CNST: variants seen among roughly 807,000 people sequenced by gnomAD.
The protein encoded by CNST is consortin.
CNST carries 39 observed loss-of-function variants against 72.4 expected under a neutral mutation model. That is an observed-to-expected ratio of 0.54 (90% CI 0.42 to 0.70). The LOEUF is 0.70. CNST is among the 30% of genes least tolerant of loss of function. The probability of loss-of-function intolerance (pLI) is 0.00; values close to 1 mark genes in which losing one functional copy is unlikely to be tolerated. For synonymous variants in CNST, 332 were observed against 320.1 expected, an observed-to-expected ratio of 1.04 and a Z score of -0.40; for missense variants, 871 against 868.5, an observed-to-expected ratio of 1.00 and a Z score of -0.04.
intron 1 of CNST, among the ~76,000 whole-genome samples, chr1:246,580,484 T>C (rs1178074457): frequency 1.3e-5 from 2 of 152,166 alleles, no homozygotes; most frequent in Non-Finnish European, 2.9e-5. Flanking sequence ...GTTATGAAAT[T>C]GCACTTCTCT....
intron 2 of CNST, among the ~76,000 whole-genome samples, chr1:246,608,977 GCTTA>G (rs1350242012): frequency 1.4e-4 from 21 of 152,304 alleles, no homozygotes; most frequent in Non-Finnish European, 1.5e-5. Context: ...GAGTCAGGTT[GCTTA>G]CTTTAGGTTA....
intron 1 of CNST, among the ~76,000 whole-genome samples, chr1:246,588,274 T>A (rs976250803): frequency 6.6e-6 from 1 of 152,118 alleles, no homozygotes; most frequent in Non-Finnish European, 1.5e-5. Flanking sequence ...TTAACTTTTA[T>A]GAAGTGCCAG....
intron 4 of CNST, among the ~76,000 whole-genome samples, chr1:246,633,651 G>C (rs921393715): frequency 1.3e-5 from 2 of 151,804 alleles, no homozygotes; most frequent in Non-Finnish European, 2.9e-5. Flanking sequence ...GCTGAGGCAG[G>C]AGAATCGCTT....
At chr1:246,633,354 C>T (rs931690773) in intron 4 of CNST, among the ~76,000 whole-genome samples, 2 of 151,792 alleles carry the variant, frequency 1.3e-5, no homozygotes, top group Non-Finnish European at 2.9e-5. Flanking sequence ...GAGGCTGAGG[C>T]AGGAGAATCA....
At chr1:246,587,286 A>G (rs1204006301) in intron 1 of CNST, among the ~76,000 whole-genome samples, 1 of 152,236 alleles carries the variant, frequency 6.6e-6, no homozygotes, top group Non-Finnish European at 1.5e-5. Context: ...TATTCAGATA[A>G]TGCAAGCTAT....
chr1:246,657,933 C>T (rs150640563), intron 9 of CNST, among the ~76,000 whole-genome samples: 116 of 152,262 alleles, frequency 7.6e-4, no homozygotes, highest in African/African-American at 2.6e-3. Context: ...AGCAACACAA[C>T]TCTGGGGCTC....
chr1:246,605,002 A>G (rs1213891388), intron 2 of CNST, among the ~76,000 whole-genome samples: 2 of 152,164 alleles, frequency 1.3e-5, no homozygotes, highest in African/African-American at 2.4e-5. Context: ...ACATGCCTTT[A>G]TATTTGTTAG....
In CNST at chr1:246,647,307, C is replaced by G; in HGVS notation, c.1106C>G (p.Ala369Gly). Residue 369 changes from alanine (A) to glycine (G), a missense_variant, in exon 9 of 11, where the codon GCC becomes GGC. Ala to Gly is a moderately conservative substitution (Grantham distance 60). Transcript: ENST00000366513. ...HMEELLCSAE[A>G]TLALHTQSSE... is the part of the protein sequence containing the mutation. ...GAGGAGCTGCTCTGCAGCGCTGAAG[C>G]CACGTTAGCGCTCCACACCCAGTCC... 6.2e-7 allele frequency: 1 copy of G among 1,614,152 alleles called. No homozygotes were observed. The highest frequency in any genetic ancestry group is 8.5e-7 in the Non-Finnish European group (1 of 1,180,022).
intron 10 of CNST, among the ~76,000 whole-genome samples, chr1:246,664,662 G>A (rs192213194): frequency 0.021 from 3,164 of 151,962 alleles, 52 homozygotes; most frequent in Non-Finnish European, 0.033. Flanking sequence ...TCCTGACCTC[G>A]TGATCCGCCC....
intron 2 of CNST, among the ~76,000 whole-genome samples, chr1:246,603,575 TA>T (rs773755968): frequency 1.3e-5 from 2 of 152,218 alleles, no homozygotes; most frequent in Non-Finnish European, 2.9e-5. Context: ...TTTGGAAATG[TA>T]GTCACACAAA....
At chr1:246,652,510 G>C (rs1666504449) in intron 9 of CNST, among the ~76,000 whole-genome samples, 1 of 152,144 alleles carries the variant, frequency 6.6e-6, no homozygotes, top group Non-Finnish European at 1.5e-5. Context: ...GCAGATTTTA[G>C]CAACATGATA....
At chr1:246,643,092 A>G (rs112095504) in intron 8 of CNST, among the ~76,000 whole-genome samples, 6,461 of 151,378 alleles carry the variant, frequency 0.043, 418 homozygotes, top group African/African-American at 0.14. Context: ...AGGTCTCACT[A>G]TGTTGCTCAG....
At chr1:246,617,236 G>A (rs1053549292) in intron 2 of CNST, among the ~76,000 whole-genome samples, 27 of 152,138 alleles carry the variant, frequency 1.8e-4, no homozygotes, top group Non-Finnish European at 7.3e-5. Context: ...ATGATAAAAT[G>A]TGAAAAAATA....
At chr1:246,606,182 CTG>C (rs1422534351) in intron 2 of CNST, 1 of 152,256 alleles carries the variant, frequency 6.6e-6, no homozygotes, top group Non-Finnish European at 1.5e-5. Context: ...TGGCGGTTAA[CTG>C]TAGTTTCAAC....
chr1:246,656,120 T>A (rs775623722), intron 9 of CNST, among the ~76,000 whole-genome samples: 9 of 152,230 alleles, frequency 5.9e-5, no homozygotes, highest in Non-Finnish European at 1.2e-4. Context: ...CTGTGTGTTC[T>A]TGTTCAGAAT....
intron 10 of CNST, among the ~76,000 whole-genome samples, chr1:246,660,791 A>G (rs368533717): frequency 1.3e-5 from 2 of 152,172 alleles, no homozygotes; most frequent in South Asian, 4.1e-4. Context: ...TAAGGGAGAA[A>G]CATATAAAAT....
chr1:246,659,410 C>T (rs533695369), intron 9 of CNST, among the ~76,000 whole-genome samples: 119 of 152,164 alleles, frequency 7.8e-4, no homozygotes, highest in East Asian at 3.5e-3. Context: ...CTGGCTAACT[C>T]GGTGAAACCC....
At chr1:246,664,967 C>T (rs1039000012) in intron 10 of CNST, among the ~76,000 whole-genome samples, 1 of 152,054 alleles carries the variant, frequency 6.6e-6, no homozygotes, top group African/African-American at 2.4e-5. Flanking sequence ...AGAGATCCCA[C>T]CCAAAGGCAT....
intron 1 of CNST, among the ~76,000 whole-genome samples, chr1:246,580,052 C>G (rs1376841230): frequency 6.6e-6 from 1 of 152,184 alleles, no homozygotes; most frequent in African/African-American, 2.4e-5. Flanking sequence ...TGTCTTATCT[C>G]TAGTCTTAGT....
Sources: gnomAD v4.1 joint callset for allele counts (sites outside exome capture counted in the v4.1 genomes callset) on GRCh38, gnomAD v4.1.1 for gene constraint, MANE v1.5 for transcripts, NCBI Gene and HGNC (gene_info 2026-07-23, HGNC 2026-07-21) for gene names.